Variants in TCF20 observed in about 807,000 individuals in gnomAD.
The protein encoded by TCF20 is SPRE-binding protein.
In TCF20, 3 loss-of-function variants were observed where a neutral mutation model predicts 148.6. The ratio of observed to expected loss-of-function variants is 0.02; its 90% CI spans 0.01 to 0.05. The LOEUF (loss-of-function observed/expected upper bound fraction) is 0.05, where lower values mean the gene tolerates loss of function less well. TCF20 is among the 10% of genes least tolerant of loss of function. The pLI is 1.00. For synonymous variants in TCF20, 1,049 were observed against 909.5 expected, an observed-to-expected ratio of 1.15 and a Z score of -2.76; for missense variants, 2,350 against 2,429.3, an observed-to-expected ratio of 0.97 and a Z score of 0.69.
intron 1 of TCF20, among the ~76,000 whole-genome samples, chr22:42,224,065 G>C (rs960731476): frequency 5.3e-5 from 8 of 152,116 alleles, no homozygotes; most frequent in African/African-American, 1.9e-4. Flanking sequence ...TATCTAAAAA[G>C]ATTGCTTTCT....
intron 1 of TCF20, among the ~76,000 whole-genome samples, chr22:42,243,656 A>G (rs1924662998): frequency 1.3e-5 from 2 of 152,130 alleles, no homozygotes; most frequent in African/African-American, 4.8e-5. Flanking sequence ...ATAATAAAAT[A>G]TCAATACTGT....
intron 5 of TCF20, among the ~76,000 whole-genome samples, chr22:42,162,766 T>C (rs1423086959): frequency 6.6e-6 from 1 of 152,168 alleles, no homozygotes; most frequent in Non-Finnish European, 1.5e-5. Context: ...TCTGCTTCCA[T>C]AAAGTTCACA....
At chr22:42,229,617 C>T (rs1487399624) in intron 1 of TCF20, among the ~76,000 whole-genome samples, 1 of 152,152 alleles carries the variant, frequency 6.6e-6, no homozygotes, top group Non-Finnish European at 1.5e-5. Context: ...CGGCAATTTT[C>T]CTTTCCAACC....
intron 1 of TCF20, among the ~76,000 whole-genome samples, chr22:42,301,009 G>A (rs900216484): frequency 6.6e-6 from 1 of 152,192 alleles, no homozygotes; most frequent in African/African-American, 2.4e-5. Context: ...CTCCAAGGAG[G>A]AAGCAGCTAC....
intron 2 of TCF20, among the ~76,000 whole-genome samples, chr22:42,208,718 A>G (rs1460190460): frequency 6.6e-6 from 1 of 152,216 alleles, no homozygotes; most frequent in Non-Finnish European, 1.5e-5. Flanking sequence ...AGAGGAGAAA[A>G]GATAAAAACA....
chr22:42,201,780 A>G (rs1458071237), intron 2 of TCF20, among the ~76,000 whole-genome samples: 1 of 152,046 alleles, frequency 6.6e-6, no homozygotes, highest in Non-Finnish European at 1.5e-5. Flanking sequence ...AAAAAAAACA[A>G]AACCAAACCA....
At chr22:42,275,448 C>T (rs191545224), upstream of TCF20, among the ~76,000 whole-genome samples, 34 of 152,342 alleles carry the variant, frequency 2.2e-4, no homozygotes, top group Admixed American at 1.8e-3. Context: ...CCCACCTGCC[C>T]GGCACTCACT....
chr22:42,310,042 G>A (rs565166419), intron 1 of TCF20, among the ~76,000 whole-genome samples: 2 of 152,358 alleles, frequency 1.3e-5, no homozygotes, highest in East Asian at 1.9e-4. Flanking sequence ...CCAACTGCCC[G>A]GAGCGGCCAT....
rs1409732316 is a variant in TCF20, at chr22:42,211,611, G to C, written c.3695C>G (p.Pro1232Arg). Residue 1232 changes from proline to arginine, a missense_variant, in exon 2 of 6, where the codon CCT becomes CGT. Physicochemically the swap from Pro to Arg is moderately radical, Grantham distance 103. Around this residue, in one of 7 missense-constraint regions of TCF20, gnomAD observed 1,641 missense variants for 1,662.6 expected, o/e 0.99. Transcript: ENST00000677622. ...TGGAAGTCTCAGCATAACACTACCA[G>C]GTTTGGATGACTGTGTAGCCTCAGC... ...GLAEATQSSKPGSVMLRLPGQ... is the reference protein window; with the variant it reads ...GLAEATQSSKRGSVMLRLPGQ... The C allele has an allele frequency of 9.9e-6, 16 of 1,614,092 alleles. No homozygotes were observed. The highest frequency in any genetic ancestry group is 1.4e-5 in the Non-Finnish European group (16 of 1,180,042).
intron 5 of TCF20, among the ~76,000 whole-genome samples, chr22:42,165,250 G>C (rs1455629589): frequency 6.6e-6 from 1 of 152,236 alleles, no homozygotes; most frequent in East Asian, 1.9e-4. Flanking sequence ...GTGATGTCCA[G>C]CTCCAGGGGC....
At chr22:42,301,928 G>A (rs1362029018) in intron 1 of TCF20, among the ~76,000 whole-genome samples, 1 of 152,250 alleles carries the variant, frequency 6.6e-6, no homozygotes, top group South Asian at 2.1e-4. Context: ...CCTGGATTCC[G>A]GGCCCAGGGC....
intron 1 of TCF20, chr22:42,343,439 C>T (rs1161042968): frequency 1.3e-5 from 2 of 151,416 alleles, no homozygotes; most frequent in African/African-American, 2.4e-5. Context: ...GGGCTGGCGC[C>T]CACCCCCCGC....
rs1921141031 is a variant in TCF20 at position 42,212,789 on chromosome 22, A to G, written c.2517T>C (p.Tyr839=). The G allele has an allele frequency of 1.2e-6, 2 of 1,614,072 alleles. No individual in the cohort carries two copies. Among genetic ancestry groups the G allele is most frequent in the South Asian group, 1.1e-5 (1 of 91,086 alleles). The stretch of plus-strand genomic sequence containing the variant: ...CTATTTCAAACTTTCTGGGAATTGG[A>G]TAGTCAGTCAAATTGATCTGTTTCA... The part of the protein sequence containing the change: ...PEMKQINLTD[Y]PIPRKFEIEP... Residue 839 remains tyrosine, a synonymous_variant, in exon 2 of 6, where the codon TAT becomes TAC. Transcript: ENST00000677622.
rs558655802 is a variant in TCF20 at position 42,292,343 on chromosome 22, C to T, written c.-37+51136G>A. Reference sequence around the variant, plus strand: ...CAGTGCTAAAATCAGGCCACGTGCACTAGGTCAAGGATGCCACAGAAGGAG... The same window carrying T: ...CAGTGCTAAAATCAGGCCACGTGCATTAGGTCAAGGATGCCACAGAAGGAG... On this transcript the variant is annotated intron_variant, in intron 1 of 1. Coordinates refer to the TCF20 transcript ENST00000515426. The surrounding 1 kb of genome is among the most constrained non-coding windows in gnomAD (Gnocchi z 4.9). Among the ~76,000 whole-genome samples, 1 of 152,312 alleles carries T rather than the reference C, an allele frequency of 6.6e-6. No homozygotes were observed. Among genetic ancestry groups the T allele is most frequent in the Admixed American group, 6.5e-5 (1 of 15,302 alleles).
chr22:42,213,526 C>T lies in TCF20; in HGVS notation c.1780G>A (p.Asp594Asn), dbSNP rs375607848. Residue 594 changes from aspartate (D) to asparagine (N), a missense_variant, in exon 2 of 6, where the codon GAC (aspartate) becomes AAC (asparagine). Around this residue, in one of 7 missense-constraint regions of TCF20, gnomAD observed 1,641 missense variants for 1,662.6 expected, o/e 0.99. Coordinates refer to ENST00000677622, the MANE Select transcript of TCF20 (RefSeq NM_001378418.1). ...PGAKDMPLSSDGNPKVNEKTV... is the reference protein window; with the variant it reads ...PGAKDMPLSSNGNPKVNEKTV... ...TTCTCATTAACCTTTGGGTTCCCGT[C>T]GGATGACAATGGCATGTCCTTAGCG... 56 of 1,614,214 alleles carry T rather than the reference C, an allele frequency of 3.5e-5. No homozygotes were observed. The highest frequency in any genetic ancestry group is 1.6e-4 in the Middle Eastern group (1 of 6,062).
chr22:42,319,288 C>T (rs1427813210), intron 1 of TCF20, among the ~76,000 whole-genome samples: 2 of 152,190 alleles, frequency 1.3e-5, no homozygotes, highest in Non-Finnish European at 2.9e-5. Flanking sequence ...TGGCCCTGCC[C>T]TTCCACTCCA....
Position 42,297,417 on chromosome 22 carries a change from T to C in TCF20, c.-37+46062A>G, listed in dbSNP as rs369579022. Reference sequence around the variant, plus strand: ...TAGACGGTAAATCTAAGGACACTGGTTGTGCCTTCTTTTTACCAGCAACAA... The same window carrying C: ...TAGACGGTAAATCTAAGGACACTGGCTGTGCCTTCTTTTTACCAGCAACAA... On this transcript the variant is annotated intron_variant, in intron 1 of 1. Coordinates refer to the TCF20 transcript ENST00000515426. The surrounding 1 kb of genome is among the most constrained non-coding windows in gnomAD (Gnocchi z 4.3). Among the ~76,000 whole-genome samples, 2 of 152,108 alleles carry C rather than the reference T, an allele frequency of 1.3e-5. No individual in the cohort carries two copies. The highest frequency in any genetic ancestry group is 2.1e-4 in the South Asian group (1 of 4,826).
chr22:42,216,289 G>A (rs534472119), intron 1 of TCF20, among the ~76,000 whole-genome samples: 2 of 151,998 alleles, frequency 1.3e-5, no homozygotes, highest in Non-Finnish European at 2.9e-5. Context: ...TCACTGAACT[G>A]CGGGTTTTAA....
chr22:42,232,593 C>G (rs866203274), intron 1 of TCF20, among the ~76,000 whole-genome samples: 1 of 151,926 alleles, frequency 6.6e-6, no homozygotes, highest in Non-Finnish European at 1.5e-5. Context: ...TTTGGGAGGT[C>G]GAGGCGGGCG....
Sources: allele counts gnomAD v4.1 joint callset (sites outside exome capture counted in the v4.1 genomes callset), GRCh38; gene constraint gnomAD v4.1.1; regional missense constraint gnomAD v4.1.1; non-coding constraint Gnocchi (gnomAD v3.1); transcripts MANE v1.5; gene names NCBI Gene and HGNC (gene_info 2026-07-23, HGNC 2026-07-21).